The following RNF150 variants were observed in gnomAD, a reference collection of about 807,000 sequenced individuals.
RNF150 encodes the protein ring finger protein 150.
RNF150 carries 24 observed loss-of-function variants against 39.3 expected under a neutral mutation model. The observed-to-expected ratio is 0.61, with a 90% CI of 0.44 to 0.86. The LOEUF is 0.86. Ranked by LOEUF, RNF150 falls within the 40% of genes least tolerant of loss-of-function variation. The probability of loss-of-function intolerance (pLI) is 0.00; values close to 1 mark genes in which losing one functional copy is unlikely to be tolerated. For missense variants in RNF150, 502 were observed against 587.8 expected, an observed-to-expected ratio of 0.85 and a Z score of 1.51; for synonymous variants, 255 against 227.3, an observed-to-expected ratio of 1.12 and a Z score of -1.10.
intron 1 of RNF150, among the ~76,000 whole-genome samples, chr4:140,990,228 G>T (rs1734147942): frequency 6.6e-6 from 1 of 152,166 alleles, no homozygotes; most frequent in African/African-American, 2.4e-5. Flanking sequence ...AGTATTCATT[G>T]TCTGGTCCTA....
At chr4:141,034,413 T>C (rs1343164319) in intron 1 of RNF150, among the ~76,000 whole-genome samples, 1 of 152,178 alleles carries the variant, frequency 6.6e-6, no homozygotes, top group Non-Finnish European at 1.5e-5. Context: ...CCACTCAAAC[T>C]TTCTCCATAT....
chr4:141,050,025 C>T (rs1176233812), intron 1 of RNF150, among the ~76,000 whole-genome samples: 1 of 151,454 alleles, frequency 6.6e-6, no homozygotes, highest in Admixed American at 6.6e-5. Flanking sequence ...GAATGCTATC[C>T]CACTAAAAAG....
intron 1 of RNF150, among the ~76,000 whole-genome samples, chr4:141,086,714 A>C (rs1738379699): frequency 6.6e-6 from 1 of 151,578 alleles, no homozygotes. Context: ...TATTGAAGAC[A>C]GATACCTATA....
chr4:140,997,482 C>T (rs1049213922), intron 1 of RNF150, among the ~76,000 whole-genome samples: 2 of 152,032 alleles, frequency 1.3e-5, no homozygotes, highest in Non-Finnish European at 2.9e-5. Context: ...ATTAGCTGGG[C>T]TTGGTGGCAT....
Position 140,893,973 on chromosome 4 carries a change from G to A in RNF150, c.1198+17171C>T, listed in dbSNP as rs542652766. Among the ~76,000 whole-genome samples the A allele has an allele frequency of 5.9e-5, 9 of 152,282 alleles. No homozygotes were observed. In the South Asian group the frequency reaches 1.0e-3, roughly 18 times the overall value. On this transcript the variant is annotated intron_variant, in intron 6 of 6. Transcript: ENST00000515673. ...TAAACAAGTCCATAGGGAGTTCCTG[G>A]AATTTAACATGGGGGTTAAGGTTTT...
intron 1 of RNF150, among the ~76,000 whole-genome samples, chr4:141,177,340 G>A (rs1727830523): frequency 6.6e-6 from 1 of 152,150 alleles, no homozygotes; most frequent in South Asian, 2.1e-4. Flanking sequence ...CCAAGTTCAT[G>A]TTTCTACTGA....
At chr4:141,211,678 T>TTG (rs775144592) in intron 1 of RNF150, among the ~76,000 whole-genome samples, 1 of 115,676 alleles carries the variant, frequency 8.6e-6, no homozygotes, top group Non-Finnish European at 1.9e-5. Flanking sequence ...TTAACTTACT[T>TTG]TGTTTTTTTT....
chr4:141,174,065 C>T (rs1727770839), intron 1 of RNF150, among the ~76,000 whole-genome samples: 1 of 152,146 alleles, frequency 6.6e-6, no homozygotes, highest in African/African-American at 2.4e-5. Flanking sequence ...TAGTTGACTT[C>T]AGTAGTCATT....
chr4:140,951,555 T>G (rs35632945), intron 2 of RNF150, among the ~76,000 whole-genome samples: 47,410 of 150,544 alleles, frequency 0.31, 7,524 homozygotes, highest in Middle Eastern at 0.39. Flanking sequence ...GTTGTTGTTT[T>G]TTTTTTTTTT....
intron 1 of RNF150, among the ~76,000 whole-genome samples, chr4:141,078,565 C>T (rs1015092456): frequency 9.9e-5 from 15 of 151,152 alleles, no homozygotes; most frequent in Admixed American, 6.6e-4. Flanking sequence ...GGGCAGATCA[C>T]GAAGTCAGGA....
rs554760919 is a variant in RNF150 at position 141,133,187 on chromosome 4, C to T, written c.-379G>A. 28 of 243,030 alleles carry T rather than the reference C, an allele frequency of 1.2e-4. No individual in the cohort carries two copies. The East Asian group carries it at 3.5e-3, about 30-fold the overall frequency. The allele number at this position is 243,030 out of a possible 1,614,324, so 15.1% of individuals were successfully genotyped here. Reference sequence around the variant, plus strand: ...ACTTGCAGGGTGGCGGCCCTGCGCCCTCCAGCCCCGGCGGGGACGGGCACG... The same window carrying T: ...ACTTGCAGGGTGGCGGCCCTGCGCCTTCCAGCCCCGGCGGGGACGGGCACG... On this transcript the variant is annotated 5_prime_UTR_variant, in exon 1 of 7. Coordinates refer to ENST00000515673, the MANE Select transcript of RNF150 (RefSeq NM_020724.2).
chr4:141,050,903 G>T (rs896413626), intron 1 of RNF150, among the ~76,000 whole-genome samples: 3 of 152,298 alleles, frequency 2.0e-5, no homozygotes, highest in Admixed American at 2.0e-4. Context: ...TCTGTGTGGG[G>T]GCTCCAACCC....
intron 1 of RNF150, among the ~76,000 whole-genome samples, chr4:141,172,664 T>C (rs1373928446): frequency 1.3e-5 from 2 of 152,164 alleles, no homozygotes; most frequent in Non-Finnish European, 2.9e-5. Flanking sequence ...AGATTTTTTC[T>C]CTAGGCCTTA....
At chr4:140,963,636 T>C (rs975174109) in intron 2 of RNF150, among the ~76,000 whole-genome samples, 1 of 152,044 alleles carries the variant, frequency 6.6e-6, no homozygotes, top group African/African-American at 2.4e-5. Flanking sequence ...ACAGATTTCA[T>C]ATATGAATAT....
At chr4:141,149,263 G>A (rs1257835528) in intron 1 of RNF150, among the ~76,000 whole-genome samples, 1 of 151,558 alleles carries the variant, frequency 6.6e-6, no homozygotes, top group Non-Finnish European at 1.5e-5. Flanking sequence ...ATAGGTTTTT[G>A]GGGAACAGGT....
intron 1 of RNF150, among the ~76,000 whole-genome samples, chr4:141,152,295 G>A (rs1727316591): frequency 6.6e-6 from 1 of 152,108 alleles, no homozygotes; most frequent in Non-Finnish European, 1.5e-5. Flanking sequence ...CTGGAATTTT[G>A]TCCAGTCACA....
At chr4:140,916,773 G>C (rs1210858525) in intron 5 of RNF150, among the ~76,000 whole-genome samples, 4 of 152,100 alleles carry the variant, frequency 2.6e-5, no homozygotes, top group Admixed American at 2.0e-4. Context: ...AAGGAAAAAG[G>C]GTTAAGGGCA....
chr4:140,918,784 C>T (rs1196983824), intron 5 of RNF150, among the ~76,000 whole-genome samples: 3 of 152,090 alleles, frequency 2.0e-5, no homozygotes, highest in African/African-American at 7.2e-5. Flanking sequence ...CAAAAATCCT[C>T]AATAAAATAC....
chr4:141,199,386 C>T (rs143116939), intron 1 of RNF150, among the ~76,000 whole-genome samples: 5 of 152,288 alleles, frequency 3.3e-5, no homozygotes, highest in Non-Finnish European at 7.4e-5. Context: ...ACTTATTTTA[C>T]ATAAAAACCT....
Sources: gnomAD v4.1 joint callset for allele counts (sites outside exome capture counted in the v4.1 genomes callset) on GRCh38, gnomAD v4.1.1 for gene constraint, MANE v1.5 for transcripts, NCBI Gene and HGNC (gene_info 2026-07-23, HGNC 2026-07-21) for gene names.